The following SOX6 variants were observed in gnomAD, a reference collection of about 807,000 sequenced individuals.
SOX6 encodes the protein transcription factor SOX-6.
SOX6 carries 11 observed loss-of-function variants against 97.8 expected under a neutral mutation model. The ratio of observed to expected loss-of-function variants is 0.11; its 90% CI spans 0.07 to 0.19. The LOEUF (loss-of-function observed/expected upper bound fraction) is 0.19, where lower values mean the gene tolerates loss of function less well. SOX6 is among the 10% of genes least tolerant of loss of function. The pLI is 1.00. For missense variants in SOX6, 810 were observed against 1,039.5 expected (o/e 0.78, Z 3.04); for synonymous variants, 360 against 371.4 (o/e 0.97, Z 0.35).
At chr11:16,581,686 G>A (rs548359402) in intron 4 of SOX6, among the ~76,000 whole-genome samples, 5 of 152,172 alleles carry the variant, frequency 3.3e-5, no homozygotes, top group South Asian at 4.2e-4. Flanking sequence ...AATGATGGCC[G>A]GGTGTGGTGG....
At chr11:16,702,012 A>G (rs1402977771) in intron 3 of SOX6, among the ~76,000 whole-genome samples, 1 of 152,224 alleles carries the variant, frequency 6.6e-6, no homozygotes, top group East Asian at 1.9e-4. Flanking sequence ...GTTCTTTATG[A>G]TTGAGATATT....
rs570657800 is a variant in SOX6, at chr11:16,484,644, C to T, written n.610-8256G>A. 9.9e-5 allele frequency: 64 copies of T among 647,184 alleles called. 1 individual carries two copies. Among genetic ancestry groups the T allele is most frequent in the South Asian group, 4.5e-4 (27 of 59,988 alleles). 40.1% of individuals were successfully genotyped at this position (647,184 alleles called of 1,614,324 possible). ...AGCCCCAGGATGGACATCCTGGCAC[C>T]GTTGCTGAGCACGAAGTGGCTGGCC... is the stretch of plus-strand genomic sequence containing the variant. On this transcript the variant is annotated intron_variant and non_coding_transcript_variant, in intron 4 of 5. Transcript: ENST00000524520.
At chr11:16,258,142 C>A (rs528652852) in intron 3 of SOX6, among the ~76,000 whole-genome samples, 2 of 57,654 alleles carry the variant, frequency 3.5e-5, no homozygotes, top group African/African-American at 1.2e-4. Flanking sequence ...CAACTTAGTA[C>A]AGGACACTTT....
At chr11:16,604,200 T>C (rs1310958542) in intron 4 of SOX6, among the ~76,000 whole-genome samples, 3 of 152,196 alleles carry the variant, frequency 2.0e-5, no homozygotes, top group Non-Finnish European at 4.4e-5. Flanking sequence ...AGGCCAGCCG[T>C]GCGCGGGCGG....
At chr11:16,711,213 C>T (rs1848177062) in intron 3 of SOX6, among the ~76,000 whole-genome samples, 1 of 152,164 alleles carries the variant, frequency 6.6e-6, no homozygotes, top group Non-Finnish European at 1.5e-5. Context: ...GACATCAAAT[C>T]AATCACTCTC....
At chr11:16,523,057 C>T (rs1374891133) in intron 4 of SOX6, among the ~76,000 whole-genome samples, 1 of 152,126 alleles carries the variant, frequency 6.6e-6, no homozygotes, top group Non-Finnish European at 1.5e-5. Flanking sequence ...CCACTGTCAA[C>T]ATTAGACAGA....
chr11:16,727,936 G>A (rs1848319728), intron 2 of SOX6, among the ~76,000 whole-genome samples: 2 of 151,986 alleles, frequency 1.3e-5, no homozygotes, highest in Non-Finnish European at 2.9e-5. Flanking sequence ...GAATATTGCT[G>A]CTTTATGTAT....
intron 3 of SOX6, among the ~76,000 whole-genome samples, chr11:16,247,784 C>T (rs1853383858): frequency 1.3e-5 from 2 of 152,024 alleles, no homozygotes; most frequent in Admixed American, 1.3e-4. Flanking sequence ...TCATTTTGCC[C>T]CTGGTCCCTC....
chr11:16,490,393 A>G (rs190129982), intron 4 of SOX6, among the ~76,000 whole-genome samples: 1 of 151,998 alleles, frequency 6.6e-6, no homozygotes, highest in South Asian at 2.1e-4. Context: ...TCATATATAT[A>G]TTTTAGATCA....
intron 1 of SOX6, among the ~76,000 whole-genome samples, chr11:16,381,346 C>T (rs1394268682): frequency 6.6e-6 from 1 of 151,870 alleles, no homozygotes; most frequent in Non-Finnish European, 1.5e-5. Context: ...CCTAACTAAT[C>T]ACCCAGTTGC....
At chr11:16,679,227 T>C (rs189776222) in intron 3 of SOX6, among the ~76,000 whole-genome samples, 1 of 152,208 alleles carries the variant, frequency 6.6e-6, no homozygotes, top group Non-Finnish European at 1.5e-5. Flanking sequence ...AGACACCTCA[T>C]ACAGGTGGGT....
intron 4 of SOX6, among the ~76,000 whole-genome samples, chr11:16,596,111 C>G (rs1009000309): frequency 6.6e-6 from 1 of 152,142 alleles, no homozygotes; most frequent in African/African-American, 2.4e-5. Context: ...GATCTAAAAG[C>G]TTTCAGACAC....
chr11:16,205,663 G>T (rs1852053108), intron 4 of SOX6, among the ~76,000 whole-genome samples: 1 of 151,504 alleles, frequency 6.6e-6, no homozygotes, highest in Non-Finnish European at 1.5e-5. Flanking sequence ...TATAGAAAAT[G>T]ACAGAGAAGT....
chr11:16,346,930 CA>C (rs1174903761), intron 1 of SOX6, among the ~76,000 whole-genome samples: 2 of 152,060 alleles, frequency 1.3e-5, no homozygotes, highest in Non-Finnish European at 2.9e-5. Flanking sequence ...GAGCTTCTTA[CA>C]AAACAAGAAC....
chr11:16,186,103 T>C (rs1851466998), intron 5 of SOX6, among the ~76,000 whole-genome samples: 2 of 152,164 alleles, frequency 1.3e-5, no homozygotes, highest in Admixed American at 1.3e-4. Flanking sequence ...TTAAAAGACA[T>C]ACATTTAAAC....
intron 6 of SOX6, among the ~76,000 whole-genome samples, chr11:16,172,090 C>T (rs1032225087): frequency 3.3e-5 from 5 of 151,640 alleles, no homozygotes; most frequent in African/African-American, 1.2e-4. Flanking sequence ...CACTCAACAC[C>T]ACCCCCACAG....
chr11:16,462,306 A>G (rs1565153728), intron 1 of SOX6, among the ~76,000 whole-genome samples: 1 of 152,212 alleles, frequency 6.6e-6, no homozygotes, highest in Non-Finnish European at 1.5e-5. Flanking sequence ...CAATATTGCA[A>G]TTTGGTTCAG....
Position 16,605,171 on chromosome 11 carries a change from G to C in SOX6, n.609+6910C>G, listed in dbSNP as rs1848320065. ...ACCGCGGCCCCGGCTGCAGAGGAACGGCGGGTGGCGGGGCCCCGGCAGGGC... is the reference window on the plus strand; with the variant it reads ...ACCGCGGCCCCGGCTGCAGAGGAACCGCGGGTGGCGGGGCCCCGGCAGGGC... On this transcript the variant is annotated intron_variant and non_coding_transcript_variant, in intron 4 of 5. Transcript: ENST00000524520. This position sits in a 1 kb window ranked among gnomAD's most constrained non-coding sequence, Gnocchi z 5.3. Among the ~76,000 whole-genome samples the C allele has an allele frequency of 6.6e-6, 1 of 151,930 alleles. No individual in the cohort carries two copies. The highest frequency in any genetic ancestry group is 1.5e-5 in the Non-Finnish European group (1 of 67,942).
At chr11:16,256,740 A>T (rs9971543) in intron 3 of SOX6, among the ~76,000 whole-genome samples, 117,929 of 150,972 alleles carry the variant, frequency 0.78, 46,174 homozygotes, top group Non-Finnish European at 0.8. Flanking sequence ...AATAAAATAA[A>T]GGGTATACAG....
Sources: allele counts gnomAD v4.1 joint callset (sites outside exome capture counted in the v4.1 genomes callset), GRCh38; gene constraint gnomAD v4.1.1; non-coding constraint Gnocchi (gnomAD v3.1); transcripts MANE v1.5; gene names NCBI Gene and HGNC (gene_info 2026-07-23, HGNC 2026-07-21).